Variants in COBL observed in about 807,000 individuals in gnomAD.
COBL encodes protein cordon-bleu.
A neutral mutation model predicts 98.8 loss-of-function variants in COBL; 51 were observed. The observed-to-expected ratio is 0.52, with a 90% CI of 0.41 to 0.65. The LOEUF is 0.65. Among genes scored for constraint, COBL ranks in the 30% least tolerant of loss-of-function variants. The pLI, the probability that COBL is intolerant of heterozygous loss-of-function variation, is 0.00. For missense variants in COBL, 1,617 were observed against 1,617.5 expected, an observed-to-expected ratio of 1.00 and a Z score of 0.01; for synonymous variants, 634 against 651.7, an observed-to-expected ratio of 0.97 and a Z score of 0.41.
chr7:51,092,768 G>T (rs887923131), intron 6 of COBL, among the ~76,000 whole-genome samples: 6 of 152,048 alleles, frequency 3.9e-5, no homozygotes, highest in Non-Finnish European at 8.8e-5. Context: ...TTCTTTTCTG[G>T]TTCCACAGTA....
At chr7:51,061,415 C>T (rs867780433) in intron 7 of COBL, among the ~76,000 whole-genome samples, 1 of 152,182 alleles carries the variant, frequency 6.6e-6, no homozygotes, top group African/African-American at 2.4e-5. Flanking sequence ...AGGACTTTAC[C>T]TTCTCTTCTG....
At chr7:51,184,399 C>T (rs1040420302) in intron 4 of COBL, among the ~76,000 whole-genome samples, 200 bp from the exon 5 acceptor site, 7 of 152,220 alleles carry the variant, frequency 4.6e-5, no homozygotes, top group African/African-American at 1.7e-4. Context: ...ACTACAGGTT[C>T]TTACACAGTC....
At chr7:51,161,443 G>C (rs1207759011) in intron 5 of COBL, among the ~76,000 whole-genome samples, 1 of 152,164 alleles carries the variant, frequency 6.6e-6, no homozygotes, top group Non-Finnish European at 1.5e-5. Flanking sequence ...CAATACTGCA[G>C]AGGCTTCCAT....
intron 7 of COBL, among the ~76,000 whole-genome samples, chr7:51,069,308 T>G (rs1180135133): frequency 6.6e-6 from 1 of 152,254 alleles, no homozygotes; most frequent in Non-Finnish European, 1.5e-5. Flanking sequence ...ACAGCAACTC[T>G]GTAAGTTTGT....
intron 6 of COBL, among the ~76,000 whole-genome samples, chr7:51,087,145 TACAC>T (rs143387311): frequency 6.7e-6 from 1 of 148,738 alleles, no homozygotes; most frequent in Non-Finnish European, 1.5e-5. Context: ...CACAGAGACA[TACAC>T]ACACACACAC....
chr7:51,077,675 C>G (rs1793223190), intron 7 of COBL, among the ~76,000 whole-genome samples: 1 of 152,194 alleles, frequency 6.6e-6, no homozygotes, highest in East Asian at 1.9e-4. Context: ...GATGAACACA[C>G]CTCTTACTAC....
chr7:51,242,602 A>G (rs1435529871), intron 1 of COBL, among the ~76,000 whole-genome samples: 1 of 152,132 alleles, frequency 6.6e-6, no homozygotes, highest in Non-Finnish European at 1.5e-5. Flanking sequence ...TTCCTCACCC[A>G]TAAATTGACT....
At chr7:51,157,780 C>A (rs1396464227) in intron 5 of COBL, among the ~76,000 whole-genome samples, 2 of 152,114 alleles carry the variant, frequency 1.3e-5, no homozygotes, top group African/African-American at 4.8e-5. Flanking sequence ...TTGAAAATTA[C>A]TAAAACGGTA....
At chr7:51,315,127 G>C (rs1803415378) in intron 1 of COBL, among the ~76,000 whole-genome samples, 1 of 152,150 alleles carries the variant, frequency 6.6e-6, no homozygotes, top group South Asian at 2.1e-4. Flanking sequence ...CAGATTTAAA[G>C]ATACCTCTGT....
intron 6 of COBL, among the ~76,000 whole-genome samples, chr7:51,123,503 GT>G (rs1397988904): frequency 6.6e-6 from 1 of 152,162 alleles, no homozygotes; most frequent in Non-Finnish European, 1.5e-5. Context: ...CTGCCAGGAT[GT>G]TTCAACTGCA....
intron 6 of COBL, among the ~76,000 whole-genome samples, chr7:51,133,476 A>G (rs1175598141): frequency 6.6e-6 from 1 of 152,174 alleles, no homozygotes; most frequent in African/African-American, 2.4e-5. Context: ...AGTGGGGTTC[A>G]CCGGAGCGGC....
At chr7:51,168,861 T>A (rs1042905959) in intron 5 of COBL, among the ~76,000 whole-genome samples, 6 of 152,190 alleles carry the variant, frequency 3.9e-5, no homozygotes, top group Non-Finnish European at 8.8e-5. Context: ...AAGACCTAAG[T>A]GTCCATCAGC....
chr7:51,166,028 C>T (rs1787288849), intron 5 of COBL, among the ~76,000 whole-genome samples: 1 of 151,502 alleles, frequency 6.6e-6, no homozygotes. Flanking sequence ...AAACCTCAAA[C>T]AAACAATCTA....
intron 1 of COBL, among the ~76,000 whole-genome samples, chr7:51,239,478 T>G (rs1269570975): frequency 6.6e-6 from 1 of 152,198 alleles, no homozygotes; most frequent in Admixed American, 6.5e-5. Flanking sequence ...CCAGGAAAAC[T>G]TATTAATAAT....
At position 51,056,133 on chromosome 7, in the gene COBL, G is replaced by A. The variant is rs540271456; in HGVS notation, c.1097-12441C>T. On this transcript the variant is annotated intron_variant, in intron 7 of 12. Coordinates refer to ENST00000265136, the MANE Select transcript of COBL (RefSeq NM_015198.5). ...GAATAGTTTCAGAAAGACAGAATGA[G>A]GAAATTACTTACAAAAATAAAACAC... is the stretch of plus-strand genomic sequence containing the variant. Among the ~76,000 whole-genome samples the A allele has an allele frequency of 6.6e-5, 10 of 150,924 alleles. 1 individual carries two copies. Among genetic ancestry groups the A allele is most frequent in the Admixed American group, 2.6e-4 (4 of 15,096 alleles).
At chr7:51,133,720 G>A (rs1383417522) in intron 6 of COBL, among the ~76,000 whole-genome samples, 1 of 152,224 alleles carries the variant, frequency 6.6e-6, no homozygotes, top group African/African-American at 2.4e-5. Context: ...TGGGATCTGA[G>A]AAGAGCATTC....
At chr7:51,185,512 G>A (rs1789403671) in intron 4 of COBL, among the ~76,000 whole-genome samples, 1 of 152,200 alleles carries the variant, frequency 6.6e-6, no homozygotes, top group Admixed American at 6.5e-5. Context: ...TCAGCACACT[G>A]CTCACTAGTG....
chr7:51,168,895 G>A (rs1222651368), intron 5 of COBL, among the ~76,000 whole-genome samples: 1 of 152,100 alleles, frequency 6.6e-6, no homozygotes, highest in African/African-American at 2.4e-5. Flanking sequence ...AAGAAAATGT[G>A]GTACATATTG....
rs188445560 is a variant in COBL, at chr7:51,044,814, G to T, written c.1097-1122C>A. ...ACTCAACATCACCAACATTTTAACT[G>T]GACAGGAGACTAACAACTTATCACC... On this transcript the variant is annotated intron_variant, in intron 7 of 12. Coordinates refer to ENST00000265136, the MANE Select transcript of COBL (RefSeq NM_015198.5). Among the ~76,000 whole-genome samples, 951 of 152,212 alleles carry T rather than the reference G, an allele frequency of 6.2e-3. 6 individuals carry two copies. Among genetic ancestry groups the T allele is most frequent in the Non-Finnish European group, 8.2e-3 (557 of 68,016 alleles).
Sources: allele counts gnomAD v4.1 joint callset (sites outside exome capture counted in the v4.1 genomes callset), GRCh38; gene constraint gnomAD v4.1.1; transcripts MANE v1.5; gene names NCBI Gene and HGNC (gene_info 2026-07-23, HGNC 2026-07-21).